Variants in LMCD1 observed in about 807,000 individuals in gnomAD.
LMCD1 encodes the protein LIM and cysteine rich domains 1, also known as LIM and cysteine-rich domains protein 1.
A neutral mutation model predicts 42.7 loss-of-function variants in LMCD1; 32 were observed. The observed-to-expected ratio is 0.75, with a 90% CI of 0.57 to 1.01. LMCD1 has a LOEUF of 1.01. Among genes scored for constraint, LMCD1 ranks in the 50% least tolerant of loss-of-function variants. The pLI, the probability that LMCD1 is intolerant of heterozygous loss-of-function variation, is 0.00. For synonymous variants in LMCD1, 178 were observed against 184.9 expected, an observed-to-expected ratio of 0.96 and a Z score of 0.30; for missense variants, 458 against 483.1, an observed-to-expected ratio of 0.95 and a Z score of 0.49.
At chr3:8,549,158 T>G (rs967287840) in intron 4 of LMCD1, among the ~76,000 whole-genome samples, 1 of 152,138 alleles carries the variant, frequency 6.6e-6, no homozygotes, top group African/African-American at 2.4e-5. Flanking sequence ...AGAAGGGACA[T>G]CTAAGCCTGC....
intron 1 of LMCD1, among the ~76,000 whole-genome samples, chr3:8,531,067 G>T (rs548112873): frequency 8.5e-5 from 13 of 152,276 alleles, no homozygotes; most frequent in African/African-American, 3.1e-4. Context: ...GAGAAGATTT[G>T]GTGCTGAAGA....
At chr3:8,542,282 A>G (rs887560930) in intron 3 of LMCD1, among the ~76,000 whole-genome samples, 1 of 152,160 alleles carries the variant, frequency 6.6e-6, no homozygotes, top group African/African-American at 2.4e-5. Flanking sequence ...GATTACAGGC[A>G]TGAACCACCA....
At chr3:8,551,342 T>C (rs1694834943) in intron 4 of LMCD1, 1 of 985,382 alleles carries the variant, frequency 1.0e-6, no homozygotes, top group Middle Eastern at 5.2e-4. Flanking sequence ...AGGCGGACGG[T>C]GCGATTCCAG....
Position 8,572,210 on chromosome 3 carries a change from C to T in LMCD1, c.*4612C>T, listed in dbSNP as rs898386435. On this transcript the variant is annotated 3_prime_UTR_variant, in exon 6 of 6. Coordinates refer to ENST00000157600, the MANE Select transcript of LMCD1 (RefSeq NM_014583.4). ...TTAAATTAGGTTTGTCAGATATTTCCTCGAAATTAGATTCAGCTTATGCAT... is the reference window on the plus strand; with the variant it reads ...TTAAATTAGGTTTGTCAGATATTTCTTCGAAATTAGATTCAGCTTATGCAT... 2 of 152,140 alleles carry T rather than the reference C, an allele frequency of 1.3e-5. No individual in the cohort carries two copies. Among genetic ancestry groups the T allele is most frequent in the Non-Finnish European group, 2.9e-5 (2 of 68,026 alleles). The allele number at this position is 152,140 out of a possible 1,614,324, so 9.4% of individuals were successfully genotyped here.
intron 1 of LMCD1, among the ~76,000 whole-genome samples, chr3:8,508,405 T>C (rs1287884184): frequency 1.3e-5 from 2 of 152,170 alleles, no homozygotes; most frequent in African/African-American, 2.4e-5. Context: ...GGCAAGTAAC[T>C]CTATTGAAGG....
At chr3:8,532,322 C>G (rs1694426948) in intron 1 of LMCD1, among the ~76,000 whole-genome samples, 1 of 152,180 alleles carries the variant, frequency 6.6e-6, no homozygotes, top group East Asian at 1.9e-4. Context: ...TAATCACACT[C>G]TATCAATAAA....
At chr3:8,514,722 A>G (rs2125013027) in intron 1 of LMCD1, among the ~76,000 whole-genome samples, 1 of 152,364 alleles carries the variant, frequency 6.6e-6, no homozygotes, top group Middle Eastern at 3.4e-3. Flanking sequence ...AATTTTAAAC[A>G]TGTTAGACAG....
At chr3:8,519,309 C>G (rs781258334) in intron 1 of LMCD1, among the ~76,000 whole-genome samples, 91 of 152,130 alleles carry the variant, frequency 6.0e-4, no homozygotes, top group Non-Finnish European at 1.1e-3. Flanking sequence ...ATGGTCTAAA[C>G]AGAAGGAACT....
chr3:8,545,937 G>C (rs780675623), intron 3 of LMCD1, among the ~76,000 whole-genome samples: 2 of 152,248 alleles, frequency 1.3e-5, no homozygotes, highest in African/African-American at 2.4e-5. Context: ...AGACCAACCT[G>C]CCAACATGGC....
At chr3:8,555,504 G>A (rs903098478) in intron 4 of LMCD1, among the ~76,000 whole-genome samples, 2 of 152,142 alleles carry the variant, frequency 1.3e-5, no homozygotes, top group African/African-American at 4.8e-5. Context: ...GCCACCCCTG[G>A]CTCAGGCACC....
At chr3:8,545,781 CAT>C (rs1694722862) in intron 3 of LMCD1, among the ~76,000 whole-genome samples, 1 of 152,184 alleles carries the variant, frequency 6.6e-6, no homozygotes, top group African/African-American at 2.4e-5. Context: ...ACTACTTTGA[CAT>C]ATGTAGCTGG....
At chr3:8,562,734 A>G (rs1172765559) in intron 4 of LMCD1, among the ~76,000 whole-genome samples, 1 of 152,064 alleles carries the variant, frequency 6.6e-6, no homozygotes, top group Non-Finnish European at 1.5e-5. Context: ...AGTATTTATC[A>G]CACTCCATGA....
chr3:8,502,207 CTAGT>C (rs1380797247), intron 1 of LMCD1, among the ~76,000 whole-genome samples: 4 of 125,956 alleles, frequency 3.2e-5, no homozygotes, highest in African/African-American at 6.1e-5. Context: ...TTTGGTGATG[CTAGT>C]TAAAGTTTAA....
At chr3:8,505,113 C>G (rs1693852764) in intron 1 of LMCD1, among the ~76,000 whole-genome samples, 1 of 152,192 alleles carries the variant, frequency 6.6e-6, no homozygotes, top group African/African-American at 2.4e-5. Flanking sequence ...CATGGCAGTC[C>G]TTGGTGGTGG....
At chr3:8,544,573 T>C (rs1300785358) in intron 3 of LMCD1, among the ~76,000 whole-genome samples, 1 of 152,094 alleles carries the variant, frequency 6.6e-6, no homozygotes, top group Non-Finnish European at 1.5e-5. Context: ...TTCCCAGAAT[T>C]TATTTACTAT....
chr3:8,572,082 C>G lies in LMCD1; in HGVS notation c.*4484C>G, dbSNP rs1175750117. 1 of 152,182 alleles carries G rather than the reference C, an allele frequency of 6.6e-6. No homozygotes were observed. The highest frequency in any genetic ancestry group is 1.5e-5 in the Non-Finnish European group (1 of 68,020). 9.4% of individuals were successfully genotyped at this position (152,182 alleles called of 1,614,324 possible). ...CACTCATTCTATTTAGTTATCTTGT[C>G]TATTCTTCAATTTGGAAGTGTTCTT... On this transcript the variant is annotated 3_prime_UTR_variant, in exon 6 of 6. Transcript: ENST00000157600.
intron 1 of LMCD1, among the ~76,000 whole-genome samples, chr3:8,528,976 T>G (rs948024674): frequency 3.3e-5 from 5 of 152,320 alleles, no homozygotes; most frequent in East Asian, 1.9e-4. Context: ...CATTTCTTTC[T>G]GTTCTCGGGA....
At chr3:8,523,808 G>A (rs1004064060) in intron 1 of LMCD1, among the ~76,000 whole-genome samples, 19 of 152,182 alleles carry the variant, frequency 1.2e-4, no homozygotes, top group Admixed American at 2.0e-4. Flanking sequence ...CCTTCCCTCA[G>A]CATCCCTGGC....
chr3:8,539,349 C>G (rs565870046), intron 3 of LMCD1, among the ~76,000 whole-genome samples: 12 of 152,252 alleles, frequency 7.9e-5, no homozygotes, highest in East Asian at 1.9e-4. Context: ...CCTGTAAGGC[C>G]GAGTTGTTTT....
Sources: allele counts gnomAD v4.1 joint callset (sites outside exome capture counted in the v4.1 genomes callset), GRCh38; gene constraint gnomAD v4.1.1; transcripts MANE v1.5; gene names NCBI Gene and HGNC (gene_info 2026-07-23, HGNC 2026-07-21).